PSMB7: variants seen among roughly 807,000 people sequenced by gnomAD.
PSMB7 encodes proteasome subunit beta type-7.
A neutral mutation model predicts 28.1 loss-of-function variants in PSMB7; 5 were observed. The ratio of observed to expected loss-of-function variants is 0.18; its 90% CI spans 0.09 to 0.37. The LOEUF (loss-of-function observed/expected upper bound fraction) is 0.37. Among genes scored for constraint, PSMB7 ranks in the 10% least tolerant of loss-of-function variants. The pLI, the probability that PSMB7 is intolerant of heterozygous loss-of-function variation, is 1.00. For synonymous variants in PSMB7, 122 were observed against 123.7 expected (o/e 0.99, Z 0.09); for missense variants, 275 against 346.2 (o/e 0.79, Z 1.63).
intron 6 of PSMB7, among the ~76,000 whole-genome samples, chr9:124,373,299 G>T (rs1200251907): frequency 6.6e-6 from 1 of 152,154 alleles, no homozygotes; most frequent in Non-Finnish European, 1.5e-5. Context: ...GGACCCCAGG[G>T]ATTGTATGTT....
intron 6 of PSMB7, among the ~76,000 whole-genome samples, chr9:124,373,580 G>C (rs1830582474): frequency 6.6e-6 from 1 of 152,104 alleles, no homozygotes; most frequent in Admixed American, 6.6e-5. Flanking sequence ...AGTGTATAAA[G>C]GAAGCACGTC....
chr9:124,378,301 T>C (rs1830633771), intron 6 of PSMB7, among the ~76,000 whole-genome samples: 1 of 152,208 alleles, frequency 6.6e-6, no homozygotes, highest in Admixed American at 6.5e-5. Flanking sequence ...TTCAAATAAA[T>C]GCTAATTTTT....
At chr9:124,381,874 A>G (rs548892687) in intron 6 of PSMB7, among the ~76,000 whole-genome samples, 1 of 152,296 alleles carries the variant, frequency 6.6e-6, no homozygotes, top group South Asian at 2.1e-4. Context: ...TTTTTAAACA[A>G]TTAATCTGCT....
At chr9:124,357,067 G>A in intron 6 of PSMB7, 152 bp from the exon 7 acceptor site, 2 of 951,942 alleles carry the variant, frequency 2.1e-6, no homozygotes, top group South Asian at 1.8e-5. Flanking sequence ...AGATCTCAAA[G>A]TACCTTGATT....
At chr9:124,383,429 G>A (rs1323974947) in intron 6 of PSMB7, among the ~76,000 whole-genome samples, 3 of 152,066 alleles carry the variant, frequency 2.0e-5, no homozygotes, top group African/African-American at 7.2e-5. Flanking sequence ...CCCATGTACC[G>A]AGGGTAGGTA....
At chr9:124,364,313 A>G (rs1335881351) in intron 6 of PSMB7, among the ~76,000 whole-genome samples, 5 of 152,174 alleles carry the variant, frequency 3.3e-5, no homozygotes, top group African/African-American at 1.2e-4. Context: ...CTGTCTTCCT[A>G]TCCCACCATT....
chr9:124,373,768 A>G (rs576502469), intron 6 of PSMB7, among the ~76,000 whole-genome samples: 12 of 152,224 alleles, frequency 7.9e-5, no homozygotes, highest in Non-Finnish European at 1.6e-4. Context: ...GATATATGGA[A>G]AGGAGGACAT....
chr9:124,371,318 A>G (rs1295471613), intron 6 of PSMB7, among the ~76,000 whole-genome samples: 3 of 152,194 alleles, frequency 2.0e-5, no homozygotes, highest in African/African-American at 7.2e-5. Flanking sequence ...CATTTCTTGT[A>G]TTTCTTTAAC....
intron 6 of PSMB7, among the ~76,000 whole-genome samples, chr9:124,360,154 T>C (rs2131142417): frequency 6.6e-6 from 1 of 152,366 alleles, no homozygotes; most frequent in African/African-American, 2.4e-5. Context: ...TTCTTTATAG[T>C]GGAATTTCAC....
intron 5 of PSMB7, among the ~76,000 whole-genome samples, chr9:124,403,443 T>C (rs1588581422): frequency 6.6e-6 from 1 of 152,130 alleles, no homozygotes; most frequent in East Asian, 1.9e-4. Context: ...GTGGATCACC[T>C]GAGCCCGGGG....
At chr9:124,406,195 G>C (rs1051564810) in intron 4 of PSMB7, among the ~76,000 whole-genome samples, 1 of 151,944 alleles carries the variant, frequency 6.6e-6, no homozygotes. Context: ...CTGTTCCACT[G>C]TTCAAATTAT....
At chr9:124,354,587 G>A (rs1466702443) in intron 7 of PSMB7, among the ~76,000 whole-genome samples, 2 of 152,202 alleles carry the variant, frequency 1.3e-5, no homozygotes, top group Non-Finnish European at 2.9e-5. Context: ...AACAAGGAGG[G>A]CAACTTCCAC....
At chr9:124,397,243 T>G (rs1464328351) in intron 5 of PSMB7, among the ~76,000 whole-genome samples, 1 of 152,180 alleles carries the variant, frequency 6.6e-6, no homozygotes, top group Non-Finnish European at 1.5e-5. Context: ...CAGTAAAGCA[T>G]CCCACAACAG....
intron 4 of PSMB7, among the ~76,000 whole-genome samples, chr9:124,407,012 AAAG>A (rs1243982961): frequency 6.6e-6 from 1 of 152,062 alleles, no homozygotes; most frequent in East Asian, 1.9e-4. Flanking sequence ...AAAAAAATCA[AAAG>A]AAGAATTAGA....
intron 6 of PSMB7, among the ~76,000 whole-genome samples, chr9:124,364,714 C>G (rs531736565): frequency 6.6e-6 from 1 of 152,218 alleles, no homozygotes; most frequent in South Asian, 2.1e-4. Flanking sequence ...AGGGCTATCA[C>G]CTGAAAACAC....
intron 5 of PSMB7, among the ~76,000 whole-genome samples, chr9:124,404,995 T>C (rs975722346): frequency 2.6e-5 from 4 of 152,176 alleles, no homozygotes; most frequent in Admixed American, 2.6e-4. Context: ...TGTGTATATT[T>C]ATATATATTT....
At chr9:124,394,838 C>T (rs543691860) in intron 5 of PSMB7, among the ~76,000 whole-genome samples, 3 of 152,282 alleles carry the variant, frequency 2.0e-5, no homozygotes, top group South Asian at 2.1e-4. Context: ...AAACAAGATG[C>T]ATTCATTCAA....
chr9:124,393,224 G>C (rs757149292), intron 5 of PSMB7, among the ~76,000 whole-genome samples: 2 of 152,162 alleles, frequency 1.3e-5, no homozygotes, highest in African/African-American at 4.8e-5. Context: ...CTCACTGCTC[G>C]GTAAAACAGA....
intron 6 of PSMB7, among the ~76,000 whole-genome samples, chr9:124,365,137 G>A (rs1012014945): frequency 1.3e-5 from 2 of 152,204 alleles, no homozygotes; most frequent in African/African-American, 4.8e-5. Flanking sequence ...CAAGCATCAC[G>A]AGCGGCCTGC....
Sources: allele counts gnomAD v4.1 joint callset (sites outside exome capture counted in the v4.1 genomes callset), GRCh38; gene constraint gnomAD v4.1.1; transcripts MANE v1.5; gene names NCBI Gene and HGNC (gene_info 2026-07-23, HGNC 2026-07-21).